Variants in NCR1 observed in about 807,000 individuals in gnomAD.
The protein encoded by NCR1 is natural cytotoxicity triggering receptor 1.
NCR1 carries 30 observed loss-of-function variants against 32.5 expected under a neutral mutation model. That is an observed-to-expected ratio of 0.92 (90% confidence interval 0.69 to 1.25). NCR1 has a LOEUF of 1.25. Ranked by LOEUF, NCR1 falls within the 50% of genes most tolerant of loss-of-function variation. The pLI, the probability that NCR1 is intolerant of heterozygous loss-of-function variation, is 0.00. For synonymous variants in NCR1, 169 were observed against 143.4 expected (o/e 1.18, Z -1.28); for missense variants, 369 against 380.7 (o/e 0.97, Z 0.26).
chr19:54,937,327 G>A, the NCR1 span, among the ~76,000 whole-genome samples: 6 of 151,800 alleles, frequency 4.0e-5, no homozygotes, highest in East Asian at 7.8e-4. Flanking sequence ...TATGACACAC[G>A]GTTACCTGTG....
chr19:54,930,099 G>C, the NCR1 span, among the ~76,000 whole-genome samples: 2 of 117,514 alleles, frequency 1.7e-5, no homozygotes, highest in Non-Finnish European at 3.3e-5. Flanking sequence ...TGGGCAACTA[G>C]AACGAGGCTC....
At chr19:54,912,252 G>A (rs759828577) in intron 6 of NCR1, 34 bp downstream of exon 6, 3 of 1,601,326 alleles carry the variant, frequency 1.9e-6, no homozygotes, top group Middle Eastern at 1.7e-4. Flanking sequence ...GGCTCTGAAG[G>A]AAGGGGCTGG....
At chr19:54,904,001 CTG>C (rs1244129262), upstream of NCR1, among the ~76,000 whole-genome samples, 1 of 151,436 alleles carries the variant, frequency 6.6e-6, no homozygotes, top group Non-Finnish European at 1.5e-5. Context: ...TGTTGGGTGT[CTG>C]TAGTCCCAGC....
chr19:54,906,730 C>T lies in NCR1; in HGVS notation c.278C>T (p.Ala93Val), dbSNP rs2067646165. The T allele has an allele frequency of 1.2e-6, 2 of 1,614,230 alleles. No homozygotes were observed. Among genetic ancestry groups the T allele is most frequent in the South Asian group, 1.1e-5 (1 of 91,086 alleles). The stretch of plus-strand genomic sequence containing the variant: ...ATCCCGGACATGAACTCCCGCATGG[C>T]AGGGCAATACAGCTGCATCTATCGG... ...FYIPDMNSRM[A>V]GQYSCIYRVG... The change falls in exon 3 of 7, where the codon GCA becomes GTA. Residue 93 changes from alanine to valine, a missense_variant. Physicochemically the swap from Ala to Val is moderately conservative, Grantham distance 64. Coordinates refer to ENST00000291890, the MANE Select transcript of NCR1 (RefSeq NM_004829.7).
rs1461152049 is a variant in NCR1 at position 54,909,934 on chromosome 19, C to A, written c.635-84C>A. On this transcript the variant is annotated intron_variant, in intron 4 of 6. Transcript: ENST00000291890. The stretch of plus-strand genomic sequence containing the variant: ...TGGGCGACAGAGCAAGACTCCATCT[C>A]AAAAAAAAAAAAAAAAAAAAAAGAA... 266 of 611,260 alleles carry A rather than the reference C, an allele frequency of 4.4e-4. No homozygotes were observed. The African/African-American group carries it at 4.4e-3, about 10-fold the overall frequency. 37.9% of individuals were successfully genotyped at this position (611,260 alleles called of 1,614,324 possible). A position where few individuals can be genotyped will look rare whatever the true frequency, so the allele number is the denominator to read the frequency against.
the NCR1 span, chr19:54,933,633 C>G: frequency 6.2e-7 from 1 of 1,614,160 alleles, no homozygotes; most frequent in South Asian, 1.1e-5. Context: ...ACCCCTGTAT[C>G]CCCAATGGGG....
Position 54,906,611 on chromosome 19 carries a change from T to C in NCR1, c.159T>C (p.Tyr53=), listed in dbSNP as rs2067630321. 5 of 1,614,222 alleles carry C rather than the reference T, an allele frequency of 3.1e-6. No individual in the cohort carries two copies. Among genetic ancestry groups the C allele is most frequent in the African/African-American group, 1.3e-5 (1 of 75,074 alleles). ...KQVTICCQGN[Y]GAVEYQLHFE... ...TGACCATCTGTTGCCAGGGAAATTA[T>C]GGGGCTGTTGAATACCAGCTGCACT... is the stretch of plus-strand genomic sequence containing the variant. Residue 53 remains tyrosine (Y), a synonymous_variant, in exon 3 of 7, where the codon TAT becomes TAC. Coordinates refer to ENST00000291890, the MANE Select transcript of NCR1 (RefSeq NM_004829.7).
downstream of NCR1, among the ~76,000 whole-genome samples, chr19:54,920,790 C>T (rs2146118460): frequency 6.6e-6 from 1 of 152,306 alleles, no homozygotes; most frequent in Admixed American, 6.5e-5. Context: ...GCACTCCAAC[C>T]CGGCTGTGGG....
upstream of NCR1, among the ~76,000 whole-genome samples, chr19:54,902,441 T>C (rs2067316114): frequency 4.0e-5 from 6 of 151,778 alleles, no homozygotes; most frequent in South Asian, 1.2e-3. Context: ...GCTGGGACTA[T>C]AGGCGCACAG....
At chr19:54,912,625 AAAAAAAAAAAAAAGAG>A (rs2068031442) in intron 6 of NCR1, 49 bp from the exon 7 acceptor site, 2 of 660,640 alleles carry the variant, frequency 3.0e-6, no homozygotes, top group Admixed American at 8.1e-5. Context: ...AAAAAAAAAA[AAAAAAAAAAAAAAGAG>A]GGTGTCCTTA....
upstream of NCR1, among the ~76,000 whole-genome samples, chr19:54,903,471 C>T (rs587722390): frequency 0.037 from 4,479 of 122,488 alleles, 281 homozygotes; most frequent in Non-Finnish European, 0.051. Context: ...TATGTATACA[C>T]GGATACATGT....
the NCR1 span, among the ~76,000 whole-genome samples, chr19:54,899,120 G>A: frequency 9.2e-5 from 14 of 152,236 alleles, no homozygotes; most frequent in East Asian, 5.8e-4. Flanking sequence ...GGGAGGGACC[G>A]ATGTGTAAAA....
the NCR1 span, chr19:54,934,425 T>G: frequency 3.9e-6 from 6 of 1,549,906 alleles, no homozygotes; most frequent in Non-Finnish European, 5.3e-6. This position sits in a 1 kb window ranked among gnomAD's most constrained non-coding sequence, Gnocchi z 6.7. Context: ...AAGTCAGGTG[T>G]TACCCTTTCT....
chr19:54,902,469 T>C (rs992830364), upstream of NCR1, among the ~76,000 whole-genome samples: 2 of 151,688 alleles, frequency 1.3e-5, no homozygotes, highest in Non-Finnish European at 2.9e-5. Flanking sequence ...CCTGGCTAAT[T>C]TTTGCATTTT....
downstream of NCR1, chr19:54,916,221 G>C (rs1290301189): frequency 6.6e-6 from 1 of 151,950 alleles, no homozygotes; most frequent in Non-Finnish European, 1.5e-5. Context: ...ACGGGGAGCA[G>C]GGGTAAAGAC....
At chr19:54,917,091 C>A (rs1671160), downstream of NCR1, among the ~76,000 whole-genome samples, 1 of 151,626 alleles carries the variant, frequency 6.6e-6, no homozygotes, top group East Asian at 2.0e-4. Flanking sequence ...ACCACTTCCT[C>A]CTCGAAGGAC....
At chr19:54,936,501 A>T in the NCR1 span, 1 of 1,325,564 alleles carries the variant, frequency 7.5e-7, no homozygotes, top group African/African-American at 1.4e-5. Context: ...ATGTATAAAC[A>T]AAAAGCTGTT....
chr19:54,904,531 C>CTTTTCT (rs1221694096), upstream of NCR1, among the ~76,000 whole-genome samples: 2 of 118,962 alleles, frequency 1.7e-5, no homozygotes, highest in Non-Finnish European at 1.8e-5. Flanking sequence ...GTTTTCTTTT[C>CTTTTCT]TTTTTTTTTT....
At chr19:54,934,107 A>AT in the NCR1 span, among the ~76,000 whole-genome samples, 29 of 152,178 alleles carry the variant, frequency 1.9e-4, no homozygotes, top group Admixed American at 7.2e-4. The surrounding 1 kb of genome is among the most constrained non-coding windows in gnomAD (Gnocchi z 6.7). Flanking sequence ...CACCTGGATA[A>AT]TTTTTTGTAT....
Sources: gnomAD v4.1 joint callset for allele counts (sites outside exome capture counted in the v4.1 genomes callset) on GRCh38, gnomAD v4.1.1 for gene constraint, Gnocchi (gnomAD v3.1) non-coding constraint, MANE v1.5 for transcripts, NCBI Gene and HGNC (gene_info 2026-07-23, HGNC 2026-07-21) for gene names.